Variants in EIF2B3 observed in about 807,000 individuals in gnomAD.
The protein encoded by EIF2B3 is eukaryotic translation initiation factor 2B subunit gamma, also known as translation initiation factor eIF2B subunit gamma.
Under a neutral mutation model 54.1 loss-of-function variants are expected in EIF2B3, and 20 were observed. The ratio of observed to expected loss-of-function variants is 0.37; its 90% CI spans 0.26 to 0.54. The LOEUF (loss-of-function observed/expected upper bound fraction) is 0.54, where lower values mean the gene tolerates loss of function less well. Ranked by LOEUF, EIF2B3 falls within the 20% of genes least tolerant of loss-of-function variation. The probability of loss-of-function intolerance (pLI) is 0.86; values close to 1 mark genes in which losing one functional copy is unlikely to be tolerated. For missense variants in EIF2B3, 448 were observed against 547.8 expected, an observed-to-expected ratio of 0.82 and a Z score of 1.82; for synonymous variants, 153 against 188.1, an observed-to-expected ratio of 0.81 and a Z score of 1.52.
chr1:44,971,201 T>A (rs752203767), intron 3 of EIF2B3, among the ~76,000 whole-genome samples: 16 of 151,848 alleles, frequency 1.1e-4, no homozygotes, highest in Non-Finnish European at 1.6e-4. Flanking sequence ...GCCAACATGG[T>A]GAAACCCTGG....
At chr1:44,914,655 TCTC>T (rs1643585306) in intron 5 of EIF2B3, among the ~76,000 whole-genome samples, 1 of 152,034 alleles carries the variant, frequency 6.6e-6, no homozygotes, top group Admixed American at 6.5e-5. Flanking sequence ...TTTAAAAAAT[TCTC>T]CTTCCTTCCT....
chr1:44,961,085 T>C (rs606873), intron 3 of EIF2B3, among the ~76,000 whole-genome samples: 28,516 of 151,576 alleles, frequency 0.19, 2,839 homozygotes, highest in African/African-American at 0.23. Context: ...CTTGTCATCC[T>C]AGCAGTCTGG....
chr1:44,916,078 C>T (rs1444259991), intron 5 of EIF2B3, among the ~76,000 whole-genome samples: 1 of 151,966 alleles, frequency 6.6e-6, no homozygotes, highest in Non-Finnish European at 1.5e-5. Flanking sequence ...TTTATGTTGT[C>T]CAGGTTCAAG....
chr1:44,851,555 A>T (rs182675734), intron 11 of EIF2B3, among the ~76,000 whole-genome samples: 172 of 152,282 alleles, frequency 1.1e-3, no homozygotes, highest in African/African-American at 3.8e-3. Context: ...TGGGTCTTAA[A>T]GGGTGAATAG....
intron 3 of EIF2B3, among the ~76,000 whole-genome samples, chr1:44,973,059 G>A (rs1240324208): frequency 6.6e-6 from 1 of 152,102 alleles, no homozygotes; most frequent in Admixed American, 6.6e-5. Flanking sequence ...AACAAGAAAA[G>A]AAAGAGAGAA....
At position 44,958,883 on chromosome 1, in the gene EIF2B3, C is replaced by T. The variant is rs116582791; in HGVS notation, c.295-17218G>A. On this transcript the variant is annotated intron_variant, in intron 3 of 11. Transcript: ENST00000360403. Reference sequence around the variant, plus strand: ...ATCAGGAACATCTCTATCAAGAACACAATTTCATCAAGGCTGAGGGCCATC... The same window carrying T: ...ATCAGGAACATCTCTATCAAGAACATAATTTCATCAAGGCTGAGGGCCATC... 2,479 of 835,990 alleles carry T rather than the reference C, an allele frequency of 3.0e-3. 53 individuals carry two copies. The African/African-American group carries it at 0.036, about 12-fold the overall frequency. 51.8% of individuals were successfully genotyped at this position (835,990 alleles called of 1,614,324 possible).
chr1:44,875,815 C>T (rs1367547218), intron 8 of EIF2B3, 120 bp from the exon 9 acceptor site: 14 of 811,648 alleles, frequency 1.7e-5, no homozygotes, highest in South Asian at 7.2e-5. Flanking sequence ...TCTCTTTCCA[C>T]GGTCTCCCTC....
At position 44,879,869 on chromosome 1, in the gene EIF2B3, C is replaced by T; in HGVS notation, c.924G>A (p.Gly308=). 5 of 1,614,138 alleles carry T rather than the reference C, an allele frequency of 3.1e-6. No individual in the cohort carries two copies. Among genetic ancestry groups the T allele is most frequent in the Non-Finnish European group, 4.2e-6 (5 of 1,180,028 alleles). The part of the protein sequence containing the change: ...VRCYVHIMKE[G]LCSRVSTLGL... ...CCAGTGTGCTCACTCGAGAGCAGAG[C>T]CCCTCTTTCATGATGTGGACATAGC... The change falls in exon 8 of 12, where the codon GGG becomes GGA. Residue 308 remains glycine, a synonymous_variant. Coordinates refer to ENST00000360403, the MANE Select transcript of EIF2B3 (RefSeq NM_020365.5).
In EIF2B3 at chr1:44,881,184, C is replaced by T. The variant is rs1464576182; in HGVS notation, c.784+428G>A. ...CAGATCCGATCTTCAGATCCTGGCA[C>T]GGAGACACCTGGGTTGGCCTGTGGT... On this transcript the variant is annotated intron_variant, in intron 7 of 11. Transcript: ENST00000360403. The surrounding 1 kb of genome is among the most constrained non-coding windows in gnomAD (Gnocchi z 4.0). Among the ~76,000 whole-genome samples, 2 of 152,180 alleles carry T rather than the reference C, an allele frequency of 1.3e-5. No homozygotes were observed. Among genetic ancestry groups the T allele is most frequent in the Admixed American group, 1.3e-4 (2 of 15,280 alleles).
chr1:44,852,916 T>C (rs747610033), intron 11 of EIF2B3, among the ~76,000 whole-genome samples: 1 of 152,028 alleles, frequency 6.6e-6, no homozygotes, highest in Non-Finnish European at 1.5e-5. Context: ...TAAGATAGGA[T>C]ATGGTCATAT....
At chr1:44,911,434 T>C (rs1310642340) in intron 5 of EIF2B3, among the ~76,000 whole-genome samples, 1 of 152,306 alleles carries the variant, frequency 6.6e-6, no homozygotes, top group African/African-American at 2.4e-5. Flanking sequence ...GCCCTGAGCT[T>C]GACATCTATG....
At position 44,978,390 on chromosome 1, in the gene EIF2B3, T is replaced by C; in HGVS notation, c.219A>G (p.Pro73=). The C allele has an allele frequency of 6.2e-7, 1 of 1,614,078 alleles. No individual in the cohort carries two copies. The highest frequency in any genetic ancestry group is 8.5e-7 in the Non-Finnish European group (1 of 1,180,018). Reference sequence around the variant, plus strand: ...CGTCATCAGGAATACACACAATATCTGGCTTCATTTTCATCTTGAATTCTG... The same window carrying C: ...CGTCATCAGGAATACACACAATATCCGGCTTCATTTTCATCTTGAATTCTG... ...LCAEFKMKMK[P]DIVCIPDDAD... Residue 73 remains proline (P), a synonymous_variant, in exon 3 of 12, where the codon CCA becomes CCG. Coordinates refer to ENST00000360403, the MANE Select transcript of EIF2B3 (RefSeq NM_020365.5).
chr1:44,952,229 C>T, intron 3 of EIF2B3, among the ~76,000 whole-genome samples: 1 of 113,116 alleles, frequency 8.8e-6, no homozygotes, highest in African/African-American at 3.3e-5. Context: ...TCCCAAAGTG[C>T]TGGGATTACA....
rs191876497 is a variant in EIF2B3 at position 44,858,633 on chromosome 1, T to A, written c.1203-826A>T. ...TACAGAGCCACTACACCTGGCTAATTTTTGTATTTTTAGTACAGATAGGGT... is the reference window on the plus strand; with the variant it reads ...TACAGAGCCACTACACCTGGCTAATATTTGTATTTTTAGTACAGATAGGGT... On this transcript the variant is annotated intron_variant, in intron 10 of 11. Transcript: ENST00000360403. Among the ~76,000 whole-genome samples the A allele has an allele frequency of 4.6e-5, 7 of 151,342 alleles. No individual in the cohort carries two copies. In the East Asian group the frequency reaches 1.4e-3, roughly 30 times the overall value.
At chr1:44,950,384 T>C (rs1644147866) in intron 3 of EIF2B3, among the ~76,000 whole-genome samples, 1 of 152,176 alleles carries the variant, frequency 6.6e-6, no homozygotes, top group African/African-American at 2.4e-5. Flanking sequence ...ATTGTGCCAT[T>C]GCACTCCAGC....
intron 10 of EIF2B3, among the ~76,000 whole-genome samples, chr1:44,871,227 G>T (rs1008902145): frequency 6.7e-6 from 1 of 149,824 alleles, no homozygotes; most frequent in African/African-American, 2.4e-5. Flanking sequence ...GCAGACACAT[G>T]TTTTATAGTT....
chr1:44,881,817 GGAAA>G lies in EIF2B3; in HGVS notation c.657-82_657-79del. The G allele has an allele frequency of 1.3e-6, 2 of 1,582,008 alleles. No homozygotes were observed. Among genetic ancestry groups the G allele is most frequent in the Non-Finnish European group, 1.7e-6 (2 of 1,158,424 alleles). ...CGGATCAAAAGCTCTGTGCATACAAGGAAAAGCCAAATCCTTTCCTGTCATGGCA... is the reference window on the plus strand; with the variant it reads ...CGGATCAAAAGCTCTGTGCATACAAGAGCCAAATCCTTTCCTGTCATGGCA... On this transcript the variant is annotated intron_variant, in intron 6 of 11. Coordinates refer to ENST00000360403, the MANE Select transcript of EIF2B3 (RefSeq NM_020365.5). This position sits in a 1 kb window ranked among gnomAD's most constrained non-coding sequence, Gnocchi z 4.0.
At chr1:44,899,489 C>T (rs1361876986) in intron 5 of EIF2B3, among the ~76,000 whole-genome samples, 1 of 152,118 alleles carries the variant, frequency 6.6e-6, no homozygotes, top group Non-Finnish European at 1.5e-5. Context: ...AAGCAAAAAA[C>T]AACCCCATTA....
In EIF2B3 at chr1:44,897,221, A is replaced by C. The variant is rs1357258035; in HGVS notation, c.656+134T>G. 4.4e-6 allele frequency: 3 copies of C among 687,820 alleles called. No homozygotes were observed. In the African/African-American group the frequency reaches 5.4e-5, roughly 12 times the overall value. 42.6% of individuals were successfully genotyped at this position (687,820 alleles called of 1,614,324 possible). ...ATGACATAATTTCATTTCTAAAACA[A>C]AAATGAGAACTAACTGTGCTATTGT... On this transcript the variant is annotated intron_variant, in intron 6 of 11. Transcript: ENST00000360403.
Sources: gnomAD v4.1 joint callset for allele counts (sites outside exome capture counted in the v4.1 genomes callset) on GRCh38, gnomAD v4.1.1 for gene constraint, Gnocchi (gnomAD v3.1) non-coding constraint, MANE v1.5 for transcripts, NCBI Gene and HGNC (gene_info 2026-07-23, HGNC 2026-07-21) for gene names.